Variants in INPP4B observed in about 807,000 individuals in gnomAD.
INPP4B encodes the protein inositol polyphosphate 4-phosphatase type II.
Under a neutral mutation model 122.5 loss-of-function variants are expected in INPP4B, and 55 were observed. The ratio of observed to expected loss-of-function variants is 0.45; its 90% confidence interval spans 0.36 to 0.56. The LOEUF is 0.56. Among genes scored for constraint, INPP4B ranks in the 20% least tolerant of loss-of-function variants. The probability of loss-of-function intolerance (pLI) is 0.00; values close to 1 mark genes in which losing one functional copy is unlikely to be tolerated. For missense variants in INPP4B, 1,000 were observed against 1,097.7 expected (o/e 0.91, Z 1.26); for synonymous variants, 403 against 388.7 (o/e 1.04, Z -0.43).
chr4:142,731,282 G>A (rs1419704410), intron 1 of INPP4B, among the ~76,000 whole-genome samples: 1 of 152,116 alleles, frequency 6.6e-6, no homozygotes, highest in Non-Finnish European at 1.5e-5. Context: ...TATGTAACAA[G>A]GATAACAAGG....
intron 14 of INPP4B, 115 bp downstream of exon 14, chr4:142,208,310 T>C (rs1843390022): frequency 6.2e-6 from 3 of 480,898 alleles, no homozygotes; most frequent in South Asian, 1.0e-4. Flanking sequence ...TTCAACTGTT[T>C]CATTTTCAAC....
chr4:142,705,229 G>A (rs1177673068), intron 2 of INPP4B, among the ~76,000 whole-genome samples: 1 of 152,082 alleles, frequency 6.6e-6, no homozygotes, highest in Non-Finnish European at 1.5e-5. Flanking sequence ...CAGGACCATC[G>A]GTTCTCTATT....
At chr4:142,277,668 T>TACAC (rs1554024538) in intron 9 of INPP4B, among the ~76,000 whole-genome samples, 66 of 101,744 alleles carry the variant, frequency 6.5e-4, no homozygotes, top group Admixed American at 4.1e-3. Context: ...GAAAATATCA[T>TACAC]ACACACACAC....
intron 11 of INPP4B, among the ~76,000 whole-genome samples, chr4:142,239,527 C>T (rs770104695): frequency 1.6e-4 from 24 of 151,840 alleles, no homozygotes; most frequent in Non-Finnish European, 3.4e-4. Context: ...CTTTCTTTTG[C>T]CTGAAATATA....
intron 12 of INPP4B, among the ~76,000 whole-genome samples, chr4:142,234,653 A>G (rs565752547): frequency 6.6e-6 from 1 of 152,360 alleles, no homozygotes; most frequent in South Asian, 2.1e-4. Context: ...GAAAGCCAAA[A>G]CTATACAGCC....
chr4:142,027,330 A>G lies in INPP4B; in HGVS notation c.*1452T>C, dbSNP rs1167271943. On this transcript the variant is annotated 3_prime_UTR_variant, in exon 26 of 26. Transcript: ENST00000262992. Reference sequence around the variant, plus strand: ...ATCCTAGGCAAGGAGCTATCACATTAGCTATGGGAAGCATAATATCATCCA... The same window carrying G: ...ATCCTAGGCAAGGAGCTATCACATTGGCTATGGGAAGCATAATATCATCCA... The G allele has an allele frequency of 1.3e-5, 2 of 152,216 alleles. No homozygotes were observed. Among genetic ancestry groups the G allele is most frequent in the East Asian group, 3.8e-4 (2 of 5,198 alleles). The allele number at this position is 152,216 out of a possible 1,614,324, so 9.4% of individuals were successfully genotyped here. A position where few individuals can be genotyped will look rare whatever the true frequency, so the allele number is the denominator to read the frequency against.
intron 12 of INPP4B, among the ~76,000 whole-genome samples, chr4:142,216,066 A>G (rs1847126697): frequency 6.6e-6 from 1 of 152,162 alleles, no homozygotes; most frequent in Non-Finnish European, 1.5e-5. Context: ...GAATACTCCT[A>G]TCTGTAAACA....
intron 25 of INPP4B, among the ~76,000 whole-genome samples, chr4:142,044,865 C>CAAAGCATTCTCT (rs1189872840): frequency 6.6e-6 from 1 of 152,116 alleles, no homozygotes; most frequent in Admixed American, 6.6e-5. Flanking sequence ...TCCACAACCA[C>CAAAGCATTCTCT]AAAGCATTCT....
At chr4:142,528,133 G>C (rs956616596) in intron 2 of INPP4B, among the ~76,000 whole-genome samples, 1 of 152,038 alleles carries the variant, frequency 6.6e-6, no homozygotes, top group Non-Finnish European at 1.5e-5. Flanking sequence ...TATGTATAAA[G>C]TATATAAAGT....
chr4:142,714,241 C>T (rs1399700999), intron 2 of INPP4B, among the ~76,000 whole-genome samples: 1 of 152,156 alleles, frequency 6.6e-6, no homozygotes, highest in Non-Finnish European at 1.5e-5. Context: ...ACAATATTAA[C>T]AGAGGGTACT....
intron 1 of INPP4B, among the ~76,000 whole-genome samples, chr4:142,830,025 G>A (rs1240786693): frequency 6.6e-6 from 1 of 152,058 alleles, no homozygotes. Flanking sequence ...GACCTTTCTA[G>A]AGCAAATGTT....
intron 12 of INPP4B, among the ~76,000 whole-genome samples, chr4:142,213,890 T>C (rs1205886987): frequency 6.6e-5 from 10 of 152,080 alleles, no homozygotes. Context: ...CGTGAGTGAG[T>C]CACAGGGAAC....
intron 2 of INPP4B, among the ~76,000 whole-genome samples, chr4:142,627,734 C>T (rs1000669953): frequency 3.0e-4 from 46 of 152,056 alleles, no homozygotes; most frequent in East Asian, 5.8e-4. Flanking sequence ...TGTGTCTCTG[C>T]CCAGCTTTGG....
At chr4:142,232,709 A>G (rs1854927048) in intron 12 of INPP4B, among the ~76,000 whole-genome samples, 1 of 152,124 alleles carries the variant, frequency 6.6e-6, no homozygotes, top group African/African-American at 2.4e-5. Context: ...AAAGTCAAGA[A>G]AGGCTGAAAG....
intron 7 of INPP4B, among the ~76,000 whole-genome samples, chr4:142,385,505 C>T (rs1795673919): frequency 6.6e-6 from 1 of 152,046 alleles, no homozygotes; most frequent in South Asian, 2.1e-4. Context: ...ACTTGTTCAC[C>T]TCTGAATACA....
At chr4:142,277,864 C>T (rs566290421) in intron 9 of INPP4B, among the ~76,000 whole-genome samples, 9 of 151,790 alleles carry the variant, frequency 5.9e-5, no homozygotes, top group South Asian at 2.1e-4. Context: ...GCTATGAGGA[C>T]GCAAAGGCAC....
chr4:142,753,673 G>C (rs1253756750), intron 1 of INPP4B, among the ~76,000 whole-genome samples: 2 of 151,918 alleles, frequency 1.3e-5, no homozygotes, highest in Non-Finnish European at 2.9e-5. Flanking sequence ...TTTTACTGTT[G>C]AAATCTCACC....
intron 17 of INPP4B, among the ~76,000 whole-genome samples, chr4:142,154,751 A>C (rs1288159078): frequency 6.6e-6 from 1 of 152,172 alleles, no homozygotes; most frequent in African/African-American, 2.4e-5. Context: ...AGACAAATCA[A>C]AATAATCTGC....
At position 142,500,680 on chromosome 4, in the gene INPP4B, T is replaced by C. The variant is rs936972279; in HGVS notation, c.-190-37954A>G. Among the ~76,000 whole-genome samples the C allele has an allele frequency of 9.2e-5, 14 of 152,166 alleles. 1 individual carries two copies. Among genetic ancestry groups the C allele is most frequent in the Non-Finnish European group, 5.9e-5 (4 of 68,004 alleles). Reference sequence around the variant, plus strand: ...GCTGCAATGAACATGGGACTGCTAATATCTCTTCAAGATCATTAGAAAAGA... The same window carrying C: ...GCTGCAATGAACATGGGACTGCTAACATCTCTTCAAGATCATTAGAAAAGA... On this transcript the variant is annotated intron_variant, in intron 2 of 25. Coordinates refer to ENST00000262992, the MANE Select transcript of INPP4B (RefSeq NM_001101669.3).
Sources: allele counts gnomAD v4.1 joint callset (sites outside exome capture counted in the v4.1 genomes callset), GRCh38; gene constraint gnomAD v4.1.1; transcripts MANE v1.5; gene names NCBI Gene and HGNC (gene_info 2026-07-23, HGNC 2026-07-21).